TRPM3: variants seen among roughly 807,000 people sequenced by gnomAD.
The protein encoded by TRPM3 is transient receptor potential cation channel subfamily M member 3.
TRPM3 carries 77 observed loss-of-function variants against 181.2 expected under a neutral mutation model. The observed-to-expected ratio is 0.42, with a 90% CI of 0.35 to 0.51. The LOEUF (loss-of-function observed/expected upper bound fraction) is 0.51, where lower values mean the gene tolerates loss of function less well. Among genes scored for constraint, TRPM3 ranks in the 20% least tolerant of loss-of-function variants. The probability of loss-of-function intolerance (pLI) is 0.01; values close to 1 mark genes in which losing one functional copy is unlikely to be tolerated. For missense variants in TRPM3, 1,759 were observed against 2,196.7 expected (o/e 0.80, Z 3.98); for synonymous variants, 745 against 796.4 (o/e 0.94, Z 1.09).
At chr9:70,792,940 T>C (rs958206674) in intron 6 of TRPM3, among the ~76,000 whole-genome samples, 6 of 152,174 alleles carry the variant, frequency 3.9e-5, no homozygotes, top group Admixed American at 2.0e-4. Context: ...ACTGAATATA[T>C]ATATATGTTT....
chr9:70,607,180 G>T (rs1401379186), intron 19 of TRPM3, among the ~76,000 whole-genome samples: 1 of 152,164 alleles, frequency 6.6e-6, no homozygotes, highest in Non-Finnish European at 1.5e-5. Context: ...CTACGATGCA[G>T]AAGTGAGGTT....
At chr9:71,168,571 T>G (rs376295805) in intron 1 of TRPM3, among the ~76,000 whole-genome samples, 29,195 of 117,422 alleles carry the variant, frequency 0.25, 4,901 homozygotes, top group African/African-American at 0.33. Context: ...TTTATTTATT[T>G]ATTTTTGTTT....
chr9:71,357,067 T>C (rs142335956), intron 1 of TRPM3, among the ~76,000 whole-genome samples: 2 of 152,138 alleles, frequency 1.3e-5, no homozygotes, highest in Non-Finnish European at 2.9e-5. Flanking sequence ...CAGCAGAGTA[T>C]GTATAAACAG....
chr9:71,081,006 G>A (rs1023712528), intron 1 of TRPM3, among the ~76,000 whole-genome samples: 1 of 152,096 alleles, frequency 6.6e-6, no homozygotes, highest in African/African-American at 2.4e-5. Flanking sequence ...AGCAGGAGAA[G>A]GTGAGGGGAG....
chr9:71,196,266 T>C (rs577585061), intron 1 of TRPM3, among the ~76,000 whole-genome samples: 27 of 144,126 alleles, frequency 1.9e-4, no homozygotes, highest in Non-Finnish European at 3.2e-4. Flanking sequence ...TTATTTGTTT[T>C]TCTTTTTTAG....
intron 1 of TRPM3, among the ~76,000 whole-genome samples, chr9:70,957,893 C>G (rs940190390): frequency 2.6e-5 from 4 of 152,126 alleles, no homozygotes; most frequent in Non-Finnish European, 5.9e-5. Context: ...GTAAAACAAA[C>G]AAACAAACAA....
chr9:71,048,510 TGCGCTTTCA>T (rs1279948994), intron 1 of TRPM3, among the ~76,000 whole-genome samples: 2 of 152,222 alleles, frequency 1.3e-5, no homozygotes, highest in African/African-American at 4.8e-5. Context: ...CTGGGTGGTA[TGCGCTTTCA>T]GCAACAATAC....
At chr9:70,627,596 G>T (rs2064910736) in intron 12 of TRPM3, among the ~76,000 whole-genome samples, 1 of 152,028 alleles carries the variant, frequency 6.6e-6, no homozygotes, top group African/African-American at 2.4e-5. Flanking sequence ...TAGACTTCTT[G>T]CTGTCCCCAG....
chr9:71,102,779 T>C (rs894475533), intron 1 of TRPM3, among the ~76,000 whole-genome samples: 2 of 152,194 alleles, frequency 1.3e-5, no homozygotes, highest in African/African-American at 2.4e-5. Context: ...TGATTAATTA[T>C]TCATGTCAAT....
chr9:71,288,923 G>A (rs1205221801), intron 1 of TRPM3, among the ~76,000 whole-genome samples: 1 of 152,048 alleles, frequency 6.6e-6, no homozygotes, highest in African/African-American at 2.4e-5. Context: ...ACTCTAGGTG[G>A]AAATAGGGGG....
intron 1 of TRPM3, among the ~76,000 whole-genome samples, chr9:71,315,102 T>C (rs967973354): frequency 1.3e-5 from 2 of 152,108 alleles, no homozygotes; most frequent in Non-Finnish European, 2.9e-5. Flanking sequence ...TGGTACATGG[T>C]AGGGTTTAAT....
upstream of TRPM3, among the ~76,000 whole-genome samples, chr9:71,122,065 C>T (rs2073713454): frequency 6.6e-6 from 1 of 152,156 alleles, no homozygotes; most frequent in African/African-American, 2.4e-5. Flanking sequence ...TCATACAAAG[C>T]AGTTTAAACT....
At position 70,836,696 on chromosome 9, in the gene TRPM3, A is replaced by T. The variant is rs748845004; in HGVS notation, c.801+6307T>A. Among the ~76,000 whole-genome samples the T allele has an allele frequency of 7.9e-5, 12 of 152,098 alleles. No homozygotes were observed. The East Asian group carries it at 2.3e-3, about 29-fold the overall frequency. On this transcript the variant is annotated intron_variant, in intron 5 of 25. Coordinates refer to ENST00000677713, the MANE Select transcript of TRPM3 (RefSeq NM_001366145.2). ...TTTGCAGGCTGCTTGTCCTCTGCTC[A>T]TCCATTAAAAGCTGGAGACCATGAG...
At chr9:71,010,968 G>A (rs946053563) in intron 1 of TRPM3, among the ~76,000 whole-genome samples, 5 of 149,422 alleles carry the variant, frequency 3.3e-5, no homozygotes, top group Non-Finnish European at 5.9e-5. Flanking sequence ...CACATAAATA[G>A]TATTCAGCCA....
At chr9:71,441,982 G>C (rs1260361443) in intron 1 of TRPM3, among the ~76,000 whole-genome samples, 1 of 152,128 alleles carries the variant, frequency 6.6e-6, no homozygotes, top group Non-Finnish European at 1.5e-5. Context: ...AGGGAAAACT[G>C]GAAATTACCT....
At chr9:70,866,864 G>A (rs2095660816) in intron 1 of TRPM3, among the ~76,000 whole-genome samples, 2 of 152,002 alleles carry the variant, frequency 1.3e-5, no homozygotes, top group Admixed American at 1.3e-4. Flanking sequence ...TTCCAGTGAA[G>A]AAATTGAGGC....
At position 71,080,644 on chromosome 9, in the gene TRPM3, A is replaced by G. The variant is rs146762111; in HGVS notation, c.177+40534T>C. Among the ~76,000 whole-genome samples the G allele has an allele frequency of 6.5e-3, 979 of 151,714 alleles. 5 individuals carry two copies. The highest frequency in any genetic ancestry group is 0.01 in the Non-Finnish European group (695 of 67,900). On this transcript the variant is annotated intron_variant, in intron 1 of 25. Coordinates refer to ENST00000677713, the MANE Select transcript of TRPM3 (RefSeq NM_001366145.2). Reference sequence around the variant, plus strand: ...GAATTCCTGGTCATCCCCAACTCCAACTCTACCCAGCAACAGCCCTCTCCC... The same window carrying G: ...GAATTCCTGGTCATCCCCAACTCCAGCTCTACCCAGCAACAGCCCTCTCCC...
intron 1 of TRPM3, among the ~76,000 whole-genome samples, chr9:71,131,587 T>G (rs2074377740): frequency 6.6e-6 from 1 of 152,188 alleles, no homozygotes; most frequent in Non-Finnish European, 1.5e-5. Context: ...AATCATTTCT[T>G]GCAAGTCATT....
intron 1 of TRPM3, among the ~76,000 whole-genome samples, chr9:71,416,856 A>G (rs1391205990): frequency 1.3e-5 from 2 of 151,976 alleles, no homozygotes; most frequent in African/African-American, 4.8e-5. Context: ...GCCCTAGGTA[A>G]TAAGTCATCT....
Sources: allele counts gnomAD v4.1 joint callset (sites outside exome capture counted in the v4.1 genomes callset), GRCh38; gene constraint gnomAD v4.1.1; transcripts MANE v1.5; gene names NCBI Gene and HGNC (gene_info 2026-07-23, HGNC 2026-07-21).